THEMIS: variants seen among roughly 807,000 people sequenced by gnomAD.
The protein encoded by THEMIS is thymocyte selection associated, also known as protein THEMIS.
Under a neutral mutation model 52.6 loss-of-function variants are expected in THEMIS, and 37 were observed. That is an observed-to-expected ratio of 0.70 (90% CI 0.54 to 0.93). The LOEUF is 0.93. Ranked by LOEUF, THEMIS falls within the 40% of genes least tolerant of loss-of-function variation. The pLI is 0.00. For missense variants in THEMIS, 808 were observed against 763.1 expected (o/e 1.06, Z -0.69); for synonymous variants, 292 against 272.7 (o/e 1.07, Z -0.70).
intron 4 of THEMIS, among the ~76,000 whole-genome samples, chr6:127,733,483 C>T (rs1432906186): frequency 1.3e-5 from 2 of 152,174 alleles, no homozygotes; most frequent in African/African-American, 2.4e-5. Flanking sequence ...ATCAAGGGTG[C>T]CACTGTGCAC....
intron 1 of THEMIS, among the ~76,000 whole-genome samples, chr6:127,866,690 T>C (rs1254021387): frequency 1.3e-5 from 2 of 152,068 alleles, no homozygotes; most frequent in East Asian, 3.9e-4. Flanking sequence ...TAATCACTCT[T>C]ATTGAACAAT....
the THEMIS span, among the ~76,000 whole-genome samples, chr6:127,698,248 C>T: frequency 6.6e-6 from 1 of 151,918 alleles, no homozygotes. Context: ...GATTTTTTAA[C>T]AATGTTTAGG....
chr6:127,718,804 A>T (rs1251611447), intron 5 of THEMIS, among the ~76,000 whole-genome samples: 2 of 151,892 alleles, frequency 1.3e-5, no homozygotes, highest in Non-Finnish European at 2.9e-5. Context: ...GTAATAAGAA[A>T]AGCTCTATGG....
At chr6:127,750,496 A>AATT in intron 4 of THEMIS, among the ~76,000 whole-genome samples, 1 of 151,828 alleles carries the variant, frequency 6.6e-6, no homozygotes, top group East Asian at 1.9e-4. Context: ...CCTGATCATA[A>AATT]ATTTGAAGCC....
At chr6:127,830,350 A>T (rs541688725) in intron 2 of THEMIS, among the ~76,000 whole-genome samples, 12 of 152,252 alleles carry the variant, frequency 7.9e-5, no homozygotes, top group African/African-American at 2.9e-4. Context: ...TTCTCTAGAC[A>T]CACTAAAATT....
At chr6:127,881,976 C>T (rs1157592715) in intron 1 of THEMIS, among the ~76,000 whole-genome samples, 2 of 145,394 alleles carry the variant, frequency 1.4e-5, no homozygotes, top group Non-Finnish European at 3.0e-5. Context: ...TATATAGTAG[C>T]TGAAGTGTCA....
chr6:127,898,582 T>C (rs867918575), intron 1 of THEMIS, among the ~76,000 whole-genome samples: 1 of 151,624 alleles, frequency 6.6e-6, no homozygotes, highest in South Asian at 2.1e-4. Context: ...AGAAACAGTG[T>C]GAAGTTTTCA....
chr6:127,911,336 C>A (rs567954808), intron 1 of THEMIS, among the ~76,000 whole-genome samples: 1 of 150,512 alleles, frequency 6.6e-6, no homozygotes, highest in Non-Finnish European at 1.5e-5. Context: ...GGAGATATTT[C>A]TGTCTTCTCC....
At chr6:127,790,599 C>T (rs542478575) in intron 4 of THEMIS, among the ~76,000 whole-genome samples, 2 of 152,286 alleles carry the variant, frequency 1.3e-5, no homozygotes, top group East Asian at 1.9e-4. Context: ...CTTCAGGTGT[C>T]GCTTTTCTGT....
the THEMIS span, among the ~76,000 whole-genome samples, chr6:127,696,844 T>C: frequency 6.6e-6 from 1 of 152,158 alleles, no homozygotes; most frequent in African/African-American, 2.4e-5. Flanking sequence ...TTCCTTTTCT[T>C]ATAAAGGCAC....
At chr6:127,699,170 G>A in the THEMIS span, among the ~76,000 whole-genome samples, 2 of 151,720 alleles carry the variant, frequency 1.3e-5, no homozygotes, top group Admixed American at 6.6e-5. Flanking sequence ...GGGAGGAGGG[G>A]ATGTCTTAAA....
chr6:127,900,414 G>C (rs1220685046), intron 1 of THEMIS, among the ~76,000 whole-genome samples: 1 of 152,050 alleles, frequency 6.6e-6, no homozygotes, highest in Non-Finnish European at 1.5e-5. Context: ...GGAGCTAAAA[G>C]TTTGGGAAAT....
intron 4 of THEMIS, among the ~76,000 whole-genome samples, chr6:127,728,210 C>T (rs1030704313): frequency 1.3e-5 from 2 of 152,164 alleles, no homozygotes; most frequent in Admixed American, 1.3e-4. Context: ...TCCATCCTCA[C>T]GATCTTGGAT....
intron 1 of THEMIS, among the ~76,000 whole-genome samples, chr6:127,907,337 A>ATTTTTTTTTT (rs58472332): frequency 0.042 from 2,096 of 49,416 alleles, 591 homozygotes; most frequent in Non-Finnish European, 0.062. Flanking sequence ...TTAGGCTCGG[A>ATTTTTTTTTT]TTTTTTTTTT....
At chr6:127,796,071 T>C (rs1216640446) in intron 4 of THEMIS, among the ~76,000 whole-genome samples, 1 of 152,220 alleles carries the variant, frequency 6.6e-6, no homozygotes, top group African/African-American at 2.4e-5. Context: ...AATAAAAATT[T>C]AGAATACATT....
At chr6:127,784,617 C>T (rs975660249) in intron 4 of THEMIS, among the ~76,000 whole-genome samples, 3 of 152,150 alleles carry the variant, frequency 2.0e-5, no homozygotes, top group Non-Finnish European at 2.9e-5. Flanking sequence ...TCTGTGGCTT[C>T]TGTTTGAGTC....
intron 4 of THEMIS, among the ~76,000 whole-genome samples, chr6:127,736,751 C>T (rs1463509697): frequency 6.7e-6 from 1 of 150,250 alleles, no homozygotes; most frequent in Non-Finnish European, 1.5e-5. Context: ...CTTCTATCTC[C>T]TAATGTAGTC....
chr6:127,851,462 A>C (rs1419924314), intron 2 of THEMIS, among the ~76,000 whole-genome samples: 1 of 151,564 alleles, frequency 6.6e-6, no homozygotes, highest in Non-Finnish European at 1.5e-5. Flanking sequence ...CTGTTACCCC[A>C]AATATGTAAA....
chr6:127,906,953 C>G (rs201186753), intron 1 of THEMIS, among the ~76,000 whole-genome samples: 1 of 140,702 alleles, frequency 7.1e-6, no homozygotes, highest in African/African-American at 2.8e-5. Flanking sequence ...TGTTAAAAAA[C>G]AAAAAAAAAA....
Sources: gnomAD v4.1 joint callset for allele counts (sites outside exome capture counted in the v4.1 genomes callset) on GRCh38, gnomAD v4.1.1 for gene constraint, MANE v1.5 for transcripts, NCBI Gene and HGNC (gene_info 2026-07-23, HGNC 2026-07-21) for gene names.